The following TPT1 variants were observed in gnomAD, a reference collection of about 807,000 sequenced individuals.
TPT1 encodes the protein translationally-controlled tumor protein.
In TPT1, 5 loss-of-function variants were observed where a neutral mutation model predicts 22.8. That is an observed-to-expected ratio of 0.22 (90% CI 0.11 to 0.46). The LOEUF is 0.46. Among genes scored for constraint, TPT1 ranks in the 20% least tolerant of loss-of-function variants. The pLI is 0.99. For synonymous variants in TPT1, 89 were observed against 73.6 expected (o/e 1.21, Z -1.07); for missense variants, 130 against 218.7 (o/e 0.59, Z 2.56).
intron 1 of TPT1, 92 bp from the exon 2 acceptor site, chr13:45,340,877 CT>C: frequency 1.7e-5 from 25 of 1,461,876 alleles, no homozygotes; most frequent in Non-Finnish European, 2.2e-5. Context: ...GGATCTGCCC[CT>C]CCGTAGCACA....
intron 4 of TPT1, 39 bp from the exon 5 acceptor site, chr13:45,338,815 C>A (rs368806786): frequency 1.3e-6 from 2 of 1,486,606 alleles, no homozygotes; most frequent in Non-Finnish European, 1.8e-6. Context: ...TAGACTATTA[C>A]ATACAAATAC....
Position 45,335,090 on chromosome 13 carries a change from C to T in TPT1, c.*2296G>A, listed in dbSNP as rs1401805904. ...TAAAGCATGCCTTTGTTAAACTTAG[C>T]ATCAAAAACAAAATGTTATGAGCTT... On this transcript the variant is annotated 3_prime_UTR_variant, in exon 6 of 6. Coordinates refer to ENST00000530705, the MANE Select transcript of TPT1 (RefSeq NM_003295.4). 1 of 152,196 alleles carries T rather than the reference C, an allele frequency of 6.6e-6. No homozygotes were observed. Among genetic ancestry groups the T allele is most frequent in the Non-Finnish European group, 1.5e-5 (1 of 68,042 alleles). The allele number at this position is 152,196 out of a possible 1,614,324, so 9.4% of individuals were successfully genotyped here.
rs772687149 is a variant in TPT1 at position 45,341,022 on chromosome 13, A to G, written c.28+20T>C. 1.2e-6 allele frequency: 2 copies of G among 1,606,256 alleles called. No homozygotes were observed. Among genetic ancestry groups the G allele is most frequent in the Admixed American group, 3.4e-5 (2 of 59,666 alleles). ...CAGACCCCCGTGTGCGGCAGTAAGG[A>G]TAGTGCAGTGAGGACTCACGGCTGA... is the stretch of plus-strand genomic sequence containing the variant. On this transcript the variant is annotated intron_variant, in intron 1 of 5. Transcript: ENST00000530705.
At chr13:45,340,868 G>C (rs920201224) in intron 1 of TPT1, 83 bp from the exon 2 acceptor site, 63 of 1,459,238 alleles carry the variant, frequency 4.3e-5, no homozygotes, top group Middle Eastern at 1.9e-4. Context: ...CCGCACGCGG[G>C]ATCTGCCCCT....
chr13:45,340,249 A>T, intron 2 of TPT1, 65 bp from the exon 3 acceptor site: 1 of 1,531,742 alleles, frequency 6.5e-7, no homozygotes, highest in South Asian at 1.2e-5. Context: ...CTTCCACGCC[A>T]ATAGTTCACG....
intron 1 of TPT1, 86 bp from the exon 2 acceptor site, chr13:45,340,871 C>G (rs938239037): frequency 1.6e-5 from 24 of 1,457,222 alleles, no homozygotes; most frequent in Non-Finnish European, 2.1e-5. Flanking sequence ...CACGCGGGAT[C>G]TGCCCCTCCG....
rs1269015096 is a variant in TPT1, at chr13:45,336,323, C to T, written c.*1063G>A. The T allele has an allele frequency of 1.3e-5, 2 of 152,186 alleles. No homozygotes were observed. The highest frequency in any genetic ancestry group is 2.4e-5 in the African/African-American group (1 of 41,438). 9.4% of individuals were successfully genotyped at this position (152,186 alleles called of 1,614,324 possible). Reference sequence around the variant, plus strand: ...TTCCCGCTTTTTTTCCTCCTGTATTCCTCTATTCAATCTCAGCTGCCACAA... The same window carrying T: ...TTCCCGCTTTTTTTCCTCCTGTATTTCTCTATTCAATCTCAGCTGCCACAA... On this transcript the variant is annotated 3_prime_UTR_variant, in exon 6 of 6. Transcript: ENST00000530705.
chr13:45,340,283 G>C, intron 2 of TPT1, 99 bp from the exon 3 acceptor site: 2 of 1,417,020 alleles, frequency 1.4e-6, no homozygotes, highest in South Asian at 1.3e-5. Flanking sequence ...CTTAGTTCTT[G>C]CTGAAAATAA....
intron 4 of TPT1, 99 bp downstream of exon 4, chr13:45,339,398 C>G (rs1318956123): frequency 4.9e-6 from 5 of 1,029,082 alleles, no homozygotes; most frequent in Non-Finnish European, 6.9e-6. Flanking sequence ...ACTTTCTACA[C>G]CTGGAATACT....
chr13:45,340,176 A>G lies in TPT1; in HGVS notation c.111T>C (p.Ser37=). 6.2e-7 allele frequency: 1 copy of G among 1,610,416 alleles called. No homozygotes were observed. Among genetic ancestry groups the G allele is most frequent in the Non-Finnish European group, 8.5e-7 (1 of 1,178,058 alleles). ...LCLEVEGKMV[S]RTEGNIDDSL... ...AGTCATCAATGTTACCTTCTGTCCTACTGACCATCTGCATTAAGAAAAAGC... is the reference window on the plus strand; with the variant it reads ...AGTCATCAATGTTACCTTCTGTCCTGCTGACCATCTGCATTAAGAAAAAGC... Residue 37 remains serine, a synonymous_variant, in exon 3 of 6, where the codon AGT becomes AGC. Transcript: ENST00000530705.
intron 2 of TPT1, 115 bp downstream of exon 2, chr13:45,340,597 G>C (rs780387149): frequency 3.3e-5 from 41 of 1,231,092 alleles, no homozygotes; most frequent in Non-Finnish European, 4.6e-5. Flanking sequence ...CCCGGAAAGA[G>C]CGTCTCCTCC....
Position 45,334,579 on chromosome 13 carries a change from C to T in TPT1, c.*2807G>A, listed in dbSNP as rs1878558313. The T allele has an allele frequency of 6.6e-6, 1 of 152,182 alleles. No individual in the cohort carries two copies. The highest frequency in any genetic ancestry group is 2.4e-5 in the African/African-American group (1 of 41,442). 9.4% of individuals were successfully genotyped at this position (152,182 alleles called of 1,614,324 possible). A position where few individuals can be genotyped will look rare whatever the true frequency, so the allele number is the denominator to read the frequency against. On this transcript the variant is annotated 3_prime_UTR_variant, in exon 6 of 6. Coordinates refer to ENST00000530705, the MANE Select transcript of TPT1 (RefSeq NM_003295.4). ...ATACTTGTATCAACATTAAATCCAT[C>T]CTCACCCACCAGCATATCCTGTTGT... is the stretch of plus-strand genomic sequence containing the variant.
At chr13:45,339,378 T>G in intron 4 of TPT1, 119 bp downstream of exon 4, 1 of 779,590 alleles carries the variant, frequency 1.3e-6, no homozygotes, top group Non-Finnish European at 1.9e-6. Context: ...ACCTGCGAGC[T>G]GGGAAAGCCA....
chr13:45,341,148 G>A lies in TPT1; in HGVS notation c.-79C>T, dbSNP rs959322972. ...TCGGAGCGAGCGCGGTGCAGCCGGA[G>A]CGGCGCTCGGGGGGAGGGGGGAGCG... On this transcript the variant is annotated 5_prime_UTR_variant, in exon 1 of 6. Coordinates refer to ENST00000530705, the MANE Select transcript of TPT1 (RefSeq NM_003295.4). 12 of 1,581,034 alleles carry A rather than the reference G, an allele frequency of 7.6e-6. No individual in the cohort carries two copies. The highest frequency in any genetic ancestry group is 2.3e-5 in the East Asian group (1 of 42,910).
intron 5 of TPT1, chr13:45,338,117 T>G (rs1176649757): frequency 1.2e-5 from 2 of 160,400 alleles, no homozygotes; most frequent in Non-Finnish European, 2.7e-5. Context: ...TCCTTCAGCA[T>G]TTAAACTCTA....
chr13:45,341,054 C>T lies in TPT1; in HGVS notation c.16G>A (p.Asp6Asn). The T allele has an allele frequency of 1.2e-6, 2 of 1,613,186 alleles. No individual in the cohort carries two copies. The stretch of plus-strand genomic sequence containing the variant: ...AGTGAGGACTCACGGCTGATGAGGT[C>T]CCGGTAGATAATCATGATGGCGACT... The part of the protein sequence containing the change: MIIYR[D>N]LISHDEMFSD... Residue 6 changes from aspartate (D) to asparagine (N), a missense_variant, in exon 1 of 6, where the codon GAC becomes AAC. Asp to Asn is a conservative substitution (Grantham distance 23). Transcript: ENST00000530705.
rs1281374089 is a variant in TPT1, at chr13:45,333,976, G to C, written c.*3410C>G. 1.3e-5 allele frequency: 2 copies of C among 152,144 alleles called. No individual in the cohort carries two copies. The highest frequency in any genetic ancestry group is 2.4e-5 in the African/African-American group (1 of 41,420). The allele number at this position is 152,144 out of a possible 1,614,324, so 9.4% of individuals were successfully genotyped here. A position where few individuals can be genotyped will look rare whatever the true frequency, so the allele number is the denominator to read the frequency against. On this transcript the variant is annotated 3_prime_UTR_variant, in exon 6 of 6. Transcript: ENST00000530705. ...AACTTTTTTCAGATAGTGTCTCACTGCCGCCCAGGCTGGAGTGCAGTGGTA... is the reference window on the plus strand; with the variant it reads ...AACTTTTTTCAGATAGTGTCTCACTCCCGCCCAGGCTGGAGTGCAGTGGTA...
intron 5 of TPT1, chr13:45,338,303 A>G (rs1049086168): frequency 7.8e-6 from 2 of 256,336 alleles, no homozygotes; most frequent in Non-Finnish European, 1.5e-5. Flanking sequence ...TATTTTTAGC[A>G]GAGATAGGGT....
At position 45,334,507 on chromosome 13, in the gene TPT1, C is replaced by T. The variant is rs888518869; in HGVS notation, c.*2879G>A. The T allele has an allele frequency of 3.9e-5, 6 of 152,194 alleles. No homozygotes were observed. Among genetic ancestry groups the T allele is most frequent in the Non-Finnish European group, 4.4e-5 (3 of 68,068 alleles). The allele number at this position is 152,194 out of a possible 1,614,324, so 9.4% of individuals were successfully genotyped here. On this transcript the variant is annotated 3_prime_UTR_variant, in exon 6 of 6. Coordinates refer to ENST00000530705, the MANE Select transcript of TPT1 (RefSeq NM_003295.4). ...CATCCAAAACTAACAAAACTAAACT[C>T]GACTTCCCACCTCAGTGCCAACTTT...
Sources: allele counts gnomAD v4.1 joint callset, GRCh38; gene constraint gnomAD v4.1.1; transcripts MANE v1.5; gene names NCBI Gene and HGNC (gene_info 2026-07-23, HGNC 2026-07-21).